The following LRRTM4 variants were observed in gnomAD, a reference collection of about 807,000 sequenced individuals.
LRRTM4 encodes the protein leucine rich repeat transmembrane neuronal 4.
Under a neutral mutation model 47.6 loss-of-function variants are expected in LRRTM4, and 25 were observed. The ratio of observed to expected loss-of-function variants is 0.53; its 90% CI spans 0.38 to 0.73. The LOEUF (loss-of-function observed/expected upper bound fraction) is 0.73. Ranked by LOEUF, LRRTM4 falls within the 30% of genes least tolerant of loss-of-function variation. The pLI, the probability that LRRTM4 is intolerant of heterozygous loss-of-function variation, is 0.00. For synonymous variants in LRRTM4, 311 were observed against 269.5 expected (o/e 1.15, Z -1.51); for missense variants, 638 against 713.4 (o/e 0.89, Z 1.20).
intron 3 of LRRTM4, among the ~76,000 whole-genome samples, chr2:76,802,354 C>T (rs925072949): frequency 1.1e-4 from 16 of 151,544 alleles, no homozygotes; most frequent in Non-Finnish European, 1.9e-4. Context: ...AATAAGAAAT[C>T]AAGAAAACTA....
At chr2:77,103,160 G>A (rs770967547) in intron 3 of LRRTM4, among the ~76,000 whole-genome samples, 13 of 152,158 alleles carry the variant, frequency 8.5e-5, no homozygotes, top group African/African-American at 2.9e-4. Context: ...TTTGGGGGCA[G>A]AGACAGCAGC....
rs903920212 is a variant in LRRTM4 at position 77,508,550 on chromosome 2, ATTTTGTCTT to A, written c.1551+9759_1551+9767del. ...TTTCTCAAGCAAATGTAACATTATT[ATTTTGTCTT>A]TTTTGTCTTTATGGGGTTTGTTTTT... On this transcript the variant is annotated intron_variant, in intron 3 of 3. Coordinates refer to ENST00000409884, the MANE Select transcript of LRRTM4 (RefSeq NM_001134745.3). 7.9e-4 allele frequency among the ~76,000 whole-genome samples: 120 copies of A among 152,118 alleles called. 1 individual carries two copies. The highest frequency in any genetic ancestry group is 2.5e-4 in the Non-Finnish European group (17 of 67,972).
At chr2:76,877,121 A>G (rs1177120736) in intron 3 of LRRTM4, among the ~76,000 whole-genome samples, 1 of 152,026 alleles carries the variant, frequency 6.6e-6, no homozygotes, top group Non-Finnish European at 1.5e-5. Context: ...TTTTTGTAAG[A>G]GCGGGAAGTA....
chr2:77,130,921 G>A (rs796219818), intron 3 of LRRTM4, among the ~76,000 whole-genome samples: 2,788 of 116,058 alleles, frequency 0.024, 92 homozygotes, highest in African/African-American at 0.085. Context: ...TGCAAGCTCC[G>A]CCTCCCGGGT....
intron 3 of LRRTM4, among the ~76,000 whole-genome samples, chr2:77,153,238 C>T (rs189023118): frequency 1.3e-5 from 2 of 152,098 alleles, no homozygotes; most frequent in Admixed American, 1.3e-4. Context: ...GTGCTATGTA[C>T]TTAATAGTCA....
At chr2:76,823,447 T>C (rs985691809) in intron 3 of LRRTM4, among the ~76,000 whole-genome samples, 1 of 151,430 alleles carries the variant, frequency 6.6e-6, no homozygotes, top group Non-Finnish European at 1.5e-5. Flanking sequence ...CAGTGAGTTA[T>C]TCCTCTGAGT....
chr2:77,429,923 A>C (rs1445731637), intron 3 of LRRTM4, among the ~76,000 whole-genome samples: 2 of 152,058 alleles, frequency 1.3e-5, no homozygotes, highest in Non-Finnish European at 2.9e-5. Flanking sequence ...AAAATTAGCC[A>C]GGCATGGTGG....
chr2:76,787,683 GCA>G (rs1384650193), intron 3 of LRRTM4, among the ~76,000 whole-genome samples: 1 of 152,048 alleles, frequency 6.6e-6, no homozygotes, highest in Non-Finnish European at 1.5e-5. Context: ...ATTGACTACA[GCA>G]CACTTATTCG....
At position 77,466,976 on chromosome 2, in the gene LRRTM4, A is replaced by G. The variant is rs1420027222; in HGVS notation, c.1551+51342T>C. 2.6e-5 allele frequency among the ~76,000 whole-genome samples: 4 copies of G among 151,852 alleles called. No homozygotes were observed. The East Asian group carries it at 7.8e-4, about 30-fold the overall frequency. On this transcript the variant is annotated intron_variant, in intron 3 of 3. Coordinates refer to ENST00000409884, the MANE Select transcript of LRRTM4 (RefSeq NM_001134745.3). ...AGCCTCCCAAGTGCTGGGATTGCAA[A>G]CGTGAGCCACCGTGCCTGGTCCCAA...
At chr2:77,005,006 T>A (rs1677583787) in intron 3 of LRRTM4, among the ~76,000 whole-genome samples, 1 of 152,148 alleles carries the variant, frequency 6.6e-6, no homozygotes, top group Non-Finnish European at 1.5e-5. Flanking sequence ...TAAAAAGTAA[T>A]TAACTTGTAT....
At chr2:77,347,755 G>A (rs1433073008) in intron 3 of LRRTM4, among the ~76,000 whole-genome samples, 1 of 151,644 alleles carries the variant, frequency 6.6e-6, no homozygotes, top group Non-Finnish European at 1.5e-5. Context: ...GATTTTTATT[G>A]TGTTCATGAA....
intron 3 of LRRTM4, among the ~76,000 whole-genome samples, chr2:77,072,696 G>T (rs1176365971): frequency 6.6e-6 from 1 of 151,156 alleles, no homozygotes; most frequent in Non-Finnish European, 1.5e-5. Flanking sequence ...CTACTCGGGA[G>T]GCTGAGGCAG....
At chr2:76,774,101 A>G (rs191679022) in intron 3 of LRRTM4, among the ~76,000 whole-genome samples, 166 of 152,328 alleles carry the variant, frequency 1.1e-3, no homozygotes, top group African/African-American at 3.7e-3. Context: ...TAGCAAGAAC[A>G]TAGTCAATAT....
chr2:77,151,478 A>G (rs1414391637), intron 3 of LRRTM4, among the ~76,000 whole-genome samples: 2 of 152,206 alleles, frequency 1.3e-5, no homozygotes, highest in Admixed American at 6.5e-5. Flanking sequence ...CAGGTTCTCA[A>G]AGAGGTTCAT....
chr2:76,845,787 G>C (rs1326645064), intron 3 of LRRTM4, among the ~76,000 whole-genome samples: 4 of 152,088 alleles, frequency 2.6e-5, no homozygotes, highest in African/African-American at 9.7e-5. Flanking sequence ...GTAGGGCTTT[G>C]GTAAGGAATA....
rs1679511076 is a variant in LRRTM4, at chr2:77,521,739, C to A, written c.-68G>T. On this transcript the variant is annotated 5_prime_UTR_variant, in exon 2 of 4. Coordinates refer to ENST00000409884, the MANE Select transcript of LRRTM4 (RefSeq NM_001134745.3). ...TCTTATTTGGTCTCTTGTGCGGAAA[C>A]CACCACCACCTTCATGACACAGTGC... 3 of 1,566,636 alleles carry A rather than the reference C, an allele frequency of 1.9e-6. No homozygotes were observed.
chr2:76,785,594 A>T (rs1030605623), intron 3 of LRRTM4, among the ~76,000 whole-genome samples: 2 of 152,148 alleles, frequency 1.3e-5, no homozygotes, highest in Non-Finnish European at 2.9e-5. Context: ...TAACCTGAAC[A>T]TATGTTTGTA....
chr2:76,775,231 C>T (rs186579132), intron 3 of LRRTM4, among the ~76,000 whole-genome samples: 1 of 152,330 alleles, frequency 6.6e-6, no homozygotes, highest in Admixed American at 6.5e-5. Context: ...AGTAGCATGA[C>T]ATTTTCAATG....
intron 3 of LRRTM4, among the ~76,000 whole-genome samples, chr2:77,348,840 G>C (rs1040835504): frequency 2.0e-5 from 3 of 150,616 alleles, no homozygotes; most frequent in Non-Finnish European, 4.4e-5. Flanking sequence ...TGCAAAAGTG[G>C]TTAGATATAA....
Sources: allele counts gnomAD v4.1 joint callset (sites outside exome capture counted in the v4.1 genomes callset), GRCh38; gene constraint gnomAD v4.1.1; transcripts MANE v1.5; gene names NCBI Gene and HGNC (gene_info 2026-07-23, HGNC 2026-07-21).